TSPO2: variants seen among roughly 807,000 people sequenced by gnomAD.
The protein encoded by TSPO2 is translocator protein 2, also known as benzodiazapine receptor (peripheral)-like 1.
A neutral mutation model predicts 13.3 loss-of-function variants in TSPO2; 15 were observed. The observed-to-expected ratio is 1.13, with a 90% CI of 0.75 to 1.73. The LOEUF (loss-of-function observed/expected upper bound fraction) is 1.73, where lower values mean the gene tolerates loss of function less well. Ranked by LOEUF, TSPO2 falls within the 40% of genes most tolerant of loss-of-function variation. TSPO2 has a pLI of 0.00. For missense variants in TSPO2, 202 were observed against 198.3 expected, an observed-to-expected ratio of 1.02 and a Z score of -0.11; for synonymous variants, 81 against 91.6, an observed-to-expected ratio of 0.88 and a Z score of 0.66.
At position 41,042,592 on chromosome 6, in the gene TSPO2, A is replaced by C; in HGVS notation, c.-207A>C. The C allele has an allele frequency of 9.7e-6, 4 of 413,094 alleles. No individual in the cohort carries two copies. The highest frequency in any genetic ancestry group is 5.5e-5 in the Admixed American group (2 of 36,240). 25.6% of individuals were successfully genotyped at this position (413,094 alleles called of 1,614,324 possible). A position where few individuals can be genotyped will look rare whatever the true frequency, so the allele number is the denominator to read the frequency against. ...GAACAGTTCTCGGTGAGGGCCAGCT[A>C]CATACCTGGCTAAGCGCTGCCCACT... On this transcript the variant is annotated 5_prime_UTR_variant, in exon 1 of 4. Transcript: ENST00000373161.
chr6:41,043,523 C>A, intron 2 of TSPO2, 34 bp from the exon 3 acceptor site: 1 of 1,546,504 alleles, frequency 6.5e-7, no homozygotes, highest in South Asian at 1.2e-5. Flanking sequence ...GGAACCTCCT[C>A]CCACTGAATG....
chr6:41,042,998 G>C lies in TSPO2; in HGVS notation c.13G>C (p.Gly5Arg), dbSNP rs773934387. The C allele has an allele frequency of 6.2e-7, 1 of 1,613,828 alleles. No individual in the cohort carries two copies. Among genetic ancestry groups the C allele is most frequent in the Non-Finnish European group, 8.5e-7 (1 of 1,179,906 alleles). The part of the protein sequence containing the change: MRLQ[G>R]AIFVLLPHLG... ...CTCTTCAAGGTGAATGCGGCTTCAA[G>C]GGGCTATCTTTGTGCTCCTGCCCCA... is the stretch of plus-strand genomic sequence containing the variant. Residue 5 changes from glycine to arginine, a missense_variant, in exon 2 of 4, where the codon GGG becomes CGG. Gly to Arg is a moderately radical substitution (Grantham distance 125, BLOSUM62 -2). Transcript: ENST00000373161.
chr6:41,043,736 G>C (rs1038112129), intron 3 of TSPO2, 38 bp downstream of exon 3: 2 of 1,570,898 alleles, frequency 1.3e-6, no homozygotes, highest in Non-Finnish European at 1.7e-6. Flanking sequence ...AGTAATGTGG[G>C]AGAGGGTGAA....
chr6:41,043,854 C>G, intron 3 of TSPO2, 86 bp from the exon 4 acceptor site: 1 of 1,548,220 alleles, frequency 6.5e-7, no homozygotes, highest in Non-Finnish European at 8.8e-7. Flanking sequence ...GCCCCAGGGA[C>G]TGAGCTCGTT....
intron 1 of TSPO2, 67 bp downstream of exon 1, chr6:41,042,845 A>G: frequency 1.1e-6 from 1 of 950,964 alleles, no homozygotes; most frequent in Non-Finnish European, 1.7e-6. Context: ...GAGAGGAAGG[A>G]CCTCCGTGAG....
Position 41,044,270 on chromosome 6 carries a change from A to T in TSPO2, c.*133A>T, listed in dbSNP as rs578188908. The T allele has an allele frequency of 1.5e-5, 12 of 805,938 alleles. No individual in the cohort carries two copies. The South Asian group carries it at 1.9e-4, about 13-fold the overall frequency. The allele number at this position is 805,938 out of a possible 1,614,324, so 49.9% of individuals were successfully genotyped here. A position where few individuals can be genotyped will look rare whatever the true frequency, so the allele number is the denominator to read the frequency against. ...CTGGTGCCGTTTTTCCTTAGAAATC[A>T]GAGAAATGGGAAAGGGGGGGAAACT... On this transcript the variant is annotated 3_prime_UTR_variant, in exon 4 of 4. Coordinates refer to ENST00000373161, the MANE Select transcript of TSPO2 (RefSeq NM_001010873.3).
rs1762603239 is a variant in TSPO2 at position 41,042,562 on chromosome 6, A to G, written c.-237A>G. 2.7e-6 allele frequency: 1 copy of G among 376,692 alleles called. No homozygotes were observed. Among genetic ancestry groups the G allele is most frequent in the South Asian group, 2.0e-5 (1 of 50,974 alleles). 23.3% of individuals were successfully genotyped at this position (376,692 alleles called of 1,614,324 possible). A position where few individuals can be genotyped will look rare whatever the true frequency, so the allele number is the denominator to read the frequency against. ...ACTTTCCAGGTTGGTAGATCAGCTT[A>G]GGTAGAACAGTTCTCGGTGAGGGCC... On this transcript the variant is annotated 5_prime_UTR_variant, in exon 1 of 4. Coordinates refer to ENST00000373161, the MANE Select transcript of TSPO2 (RefSeq NM_001010873.3).
upstream of TSPO2, among the ~76,000 whole-genome samples, chr6:41,041,847 C>T (rs530735907): frequency 1.3e-4 from 20 of 152,130 alleles, no homozygotes; most frequent in African/African-American, 4.1e-4. Context: ...TGGTGGCGCA[C>T]GCCTGTAATC....
Position 41,043,955 on chromosome 6 carries a change from C to T in TSPO2, c.331C>T (p.Leu111=). 1.2e-6 allele frequency: 2 copies of T among 1,613,792 alleles called. No individual in the cohort carries two copies. Among genetic ancestry groups the T allele is most frequent in the African/African-American group, 1.3e-5 (1 of 75,060 alleles). The change falls in exon 4 of 4, where the codon CTG becomes TTG. Residue 111 remains leucine, a synonymous_variant. Coordinates refer to ENST00000373161, the MANE Select transcript of TSPO2 (RefSeq NM_001010873.3). The stretch of plus-strand genomic sequence containing the variant: ...CTATGCCCAGGCCCTGCTGCACCTG[C>T]TGCTGCTGTATGGGCTGGTGGTGAG... ...HNPGLALLHL[L]LLYGLVVSTA... is the part of the protein sequence containing the mutation.
At chr6:41,043,460 C>T in intron 2 of TSPO2, 97 bp from the exon 3 acceptor site, 1 of 1,456,632 alleles carries the variant, frequency 6.9e-7, no homozygotes, top group Non-Finnish European at 9.2e-7. Flanking sequence ...CCCATTTCAG[C>T]CCACAAGGGT....
upstream of TSPO2, among the ~76,000 whole-genome samples, chr6:41,041,989 A>G (rs1487879482): frequency 6.6e-6 from 1 of 152,184 alleles, no homozygotes; most frequent in Non-Finnish European, 1.5e-5. Context: ...AGAAAAAAAA[A>G]AAAAGGATGG....
At position 41,044,038 on chromosome 6, in the gene TSPO2, C is replaced by T; in HGVS notation, c.414C>T (p.Tyr138=). 4 of 1,614,190 alleles carry T rather than the reference C, an allele frequency of 2.5e-6. No homozygotes were observed. Among genetic ancestry groups the T allele is most frequent in the Non-Finnish European group, 3.4e-6 (4 of 1,180,024 alleles). The change falls in exon 4 of 4, where the codon TAC becomes TAT. Residue 138 remains tyrosine (Y), a synonymous_variant. Transcript: ENST00000373161. ...NKLAALLLLP[Y]LAWLTVTSAL... ...TGGCTGCCCTGTTACTGCTGCCCTA[C>T]CTAGCCTGGCTCACCGTGACTTCAG...
At chr6:41,043,274 T>A in intron 2 of TSPO2, 116 bp downstream of exon 2, 1 of 1,292,712 alleles carries the variant, frequency 7.7e-7, no homozygotes, top group Non-Finnish European at 1.1e-6. Flanking sequence ...GTCTTGCCTC[T>A]CACCACCATA....
At position 41,043,594 on chromosome 6, in the gene TSPO2, G is replaced by T. The variant is rs780654751; in HGVS notation, c.211G>T (p.Gly71Cys). 6.2e-7 allele frequency: 1 copy of T among 1,611,892 alleles called. No homozygotes were observed. Among genetic ancestry groups the T allele is most frequent in the South Asian group, 1.1e-5 (1 of 90,850 alleles). Residue 71 changes from glycine (G) to cysteine (C), a missense_variant, in exon 3 of 4, where the codon GGC (glycine) becomes TGC (cysteine). Physicochemically the swap from Gly to Cys is radical, Grantham distance 159. Coordinates refer to ENST00000373161, the MANE Select transcript of TSPO2 (RefSeq NM_001010873.3). The stretch of plus-strand genomic sequence containing the variant: ...CCTGGTGTGGAAGGACCTGGGAGGG[G>T]GCTTGGGGTGGCCCCTGGCCCTGCC... ...SYLVWKDLGG[G>C]LGWPLALPLG...
intron 2 of TSPO2, 71 bp from the exon 3 acceptor site, chr6:41,043,486 T>G: frequency 6.6e-7 from 1 of 1,519,594 alleles, no homozygotes. Context: ...AGAGTCCTTA[T>G]GCCAGAGAGC....
At chr6:41,043,244 C>T (rs1581982732) in intron 2 of TSPO2, 86 bp downstream of exon 2, 2 of 1,474,746 alleles carry the variant, frequency 1.4e-6, no homozygotes, top group Non-Finnish European at 1.8e-6. Flanking sequence ...CATATATTGG[C>T]CTCCAAAGGT....
upstream of TSPO2, among the ~76,000 whole-genome samples, chr6:41,041,991 AAAG>A (rs1762595136): frequency 6.6e-6 from 1 of 152,214 alleles, no homozygotes. Context: ...AAAAAAAAAA[AAAG>A]GATGGATTAG....
At chr6:41,042,266 T>C (rs114599022), upstream of TSPO2, among the ~76,000 whole-genome samples, 899 of 152,284 alleles carry the variant, frequency 5.9e-3, 12 homozygotes, top group African/African-American at 0.02. Context: ...ACCTGGATGC[T>C]TGTGCTTACA....
rs768873153 is a variant in TSPO2, at chr6:41,044,134, C to G, written c.510C>G (p.Asp170Glu). Residue 170 changes from aspartate to glutamate, a missense_variant, in exon 4 of 4, where the codon GAC becomes GAG. By Grantham distance (45) the Asp-to-Glu change is conservative (BLOSUM62 2). Transcript: ENST00000373161. Reference protein sequence around the residue: ...VHQPQPTEKSD With the variant: ...VHQPQPTEKSE ...AGCCTCAGCCCACGGAGAAGAGTGA[C>G]TGAGGCCCTAGGGCATGGGAGAGGA... The G allele has an allele frequency of 5.6e-6, 9 of 1,614,002 alleles. No individual in the cohort carries two copies. The highest frequency in any genetic ancestry group is 1.7e-5 in the Admixed American group (1 of 60,002).
Sources: gnomAD v4.1 joint callset for allele counts (sites outside exome capture counted in the v4.1 genomes callset) on GRCh38, gnomAD v4.1.1 for gene constraint, MANE v1.5 for transcripts, NCBI Gene and HGNC (gene_info 2026-07-23, HGNC 2026-07-21) for gene names.